Variants in SLC39A11 observed in about 807,000 individuals in gnomAD.
The protein encoded by SLC39A11 is solute carrier family 39 member 11.
In SLC39A11, 33 loss-of-function variants were observed where a neutral mutation model predicts 36.1. The observed-to-expected ratio is 0.91, with a 90% CI of 0.69 to 1.22. The LOEUF is 1.22. Ranked by LOEUF, SLC39A11 falls within the 50% of genes most tolerant of loss-of-function variation. SLC39A11 has a pLI of 0.00. For missense variants in SLC39A11, 432 were observed against 430.3 expected (o/e 1.00, Z -0.03); for synonymous variants, 166 against 170.3 (o/e 0.97, Z 0.20).
At chr17:72,831,427 G>A (rs2078281724) in intron 6 of SLC39A11, among the ~76,000 whole-genome samples, 1 of 152,214 alleles carries the variant, frequency 6.6e-6, no homozygotes, top group Non-Finnish European at 1.5e-5. Context: ...TCGTGTCCAT[G>A]ACCTTATTTT....
intron 6 of SLC39A11, among the ~76,000 whole-genome samples, chr17:72,817,357 G>A (rs1224599674): frequency 1.4e-5 from 2 of 144,928 alleles, no homozygotes; most frequent in Admixed American, 6.8e-5. Flanking sequence ...GGAGGGGGAG[G>A]AGGAGGAGGA....
intron 6 of SLC39A11, among the ~76,000 whole-genome samples, chr17:72,769,631 C>T (rs111391076): frequency 6.6e-6 from 1 of 151,900 alleles, no homozygotes; most frequent in African/African-American, 2.4e-5. Flanking sequence ...TGCAACCTCC[C>T]CCTCCTGGGT....
At chr17:72,688,869 G>A (rs2071879800) in intron 7 of SLC39A11, among the ~76,000 whole-genome samples, 1 of 152,168 alleles carries the variant, frequency 6.6e-6, no homozygotes, top group African/African-American at 2.4e-5. Context: ...CAGAAATATG[G>A]CTGCAGCTAC....
chr17:72,988,191 G>A (rs1438524932), intron 4 of SLC39A11, among the ~76,000 whole-genome samples: 3 of 152,164 alleles, frequency 2.0e-5, no homozygotes, highest in Non-Finnish European at 4.4e-5. Flanking sequence ...AGTGGCTCAC[G>A]CCTGTAATCC....
intron 5 of SLC39A11, among the ~76,000 whole-genome samples, chr17:72,921,853 A>G (rs2147266863): frequency 6.6e-6 from 1 of 152,352 alleles, no homozygotes; most frequent in East Asian, 1.9e-4. Context: ...CATTGGTTGT[A>G]AGGCAAATGC....
chr17:72,709,096 C>G (rs1396687340), intron 7 of SLC39A11, among the ~76,000 whole-genome samples: 1 of 152,084 alleles, frequency 6.6e-6, no homozygotes, highest in Non-Finnish European at 1.5e-5. Flanking sequence ...CCACCACACC[C>G]AGCTAATTTT....
intron 5 of SLC39A11, among the ~76,000 whole-genome samples, chr17:72,851,864 G>A (rs2079346134): frequency 6.6e-6 from 1 of 152,090 alleles, no homozygotes. Flanking sequence ...AGCCTTTAAT[G>A]CTTAAATAAA....
At chr17:72,979,987 C>T (rs2088179429) in intron 4 of SLC39A11, among the ~76,000 whole-genome samples, 1 of 152,078 alleles carries the variant, frequency 6.6e-6, no homozygotes, top group Non-Finnish European at 1.5e-5. Context: ...TCCACTGATT[C>T]CTACACCAGC....
chr17:72,965,792 C>T (rs1254780325), intron 4 of SLC39A11, among the ~76,000 whole-genome samples: 1 of 152,192 alleles, frequency 6.6e-6, no homozygotes, highest in Admixed American at 6.5e-5. Context: ...AGGTGCCACA[C>T]CATGCCAACA....
intron 5 of SLC39A11, among the ~76,000 whole-genome samples, chr17:72,900,219 AAGAAAG>A: frequency 6.7e-6 from 1 of 148,218 alleles, no homozygotes; most frequent in East Asian, 2.0e-4. Flanking sequence ...GAAAGAAAGA[AAGAAAG>A]AAAGAAAAAG....
intron 6 of SLC39A11, among the ~76,000 whole-genome samples, chr17:72,795,054 G>C (rs2076850693): frequency 6.6e-6 from 1 of 152,102 alleles, no homozygotes; most frequent in African/African-American, 2.4e-5. Flanking sequence ...AACATTTTCA[G>C]GTACGCAGAG....
intron 6 of SLC39A11, among the ~76,000 whole-genome samples, chr17:72,777,228 T>C (rs1209113499): frequency 2.0e-5 from 3 of 152,168 alleles, no homozygotes; most frequent in Non-Finnish European, 2.9e-5. Flanking sequence ...ATTATGATCA[T>C]AGCTTCAGGT....
At chr17:73,075,973 A>C (rs567717089) in intron 3 of SLC39A11, among the ~76,000 whole-genome samples, 1 of 152,350 alleles carries the variant, frequency 6.6e-6, no homozygotes. Flanking sequence ...TTATAAAATT[A>C]AATTAGTTGA....
chr17:72,880,476 G>A (rs1284610293), intron 5 of SLC39A11, among the ~76,000 whole-genome samples: 2 of 152,116 alleles, frequency 1.3e-5, no homozygotes, highest in African/African-American at 4.8e-5. Context: ...GGAGACTGAT[G>A]TGTGAGGATA....
chr17:73,087,996 T>C (rs1315657429), intron 2 of SLC39A11, among the ~76,000 whole-genome samples: 1 of 152,118 alleles, frequency 6.6e-6, no homozygotes, highest in Non-Finnish European at 1.5e-5. Flanking sequence ...TACCACTTGC[T>C]CCAGGCCTGA....
At chr17:72,909,776 C>G (rs751367160) in intron 5 of SLC39A11, among the ~76,000 whole-genome samples, 1 of 148,206 alleles carries the variant, frequency 6.7e-6, no homozygotes, top group African/African-American at 2.5e-5. Flanking sequence ...GACGGAGTCT[C>G]GCTCTGTTGC....
At chr17:72,771,751 G>T (rs1056263449) in intron 6 of SLC39A11, among the ~76,000 whole-genome samples, 1 of 152,214 alleles carries the variant, frequency 6.6e-6, no homozygotes, top group Non-Finnish European at 1.5e-5. Context: ...GATTTACAAA[G>T]AAATGATTTT....
At chr17:72,897,369 G>A (rs2082086317) in intron 5 of SLC39A11, among the ~76,000 whole-genome samples, 1 of 152,158 alleles carries the variant, frequency 6.6e-6, no homozygotes, top group Non-Finnish European at 1.5e-5. Context: ...AACTCAGCTT[G>A]CACTAGCCAC....
At chr17:72,683,096 C>T (rs1217768404) in intron 7 of SLC39A11, among the ~76,000 whole-genome samples, 2 of 152,224 alleles carry the variant, frequency 1.3e-5, no homozygotes, top group African/African-American at 2.4e-5. Context: ...TCTGAAGGTG[C>T]TGCTTCATGC....
Sources: gnomAD v4.1 joint callset for allele counts (sites outside exome capture counted in the v4.1 genomes callset) on GRCh38, gnomAD v4.1.1 for gene constraint, MANE v1.5 for transcripts, NCBI Gene and HGNC (gene_info 2026-07-23, HGNC 2026-07-21) for gene names.